The following BCL2L12 variants were observed in gnomAD, a reference collection of about 807,000 sequenced individuals.
The protein encoded by BCL2L12 is BCL2 like 12.
A neutral mutation model predicts 25.7 loss-of-function variants in BCL2L12; 27 were observed. The observed-to-expected ratio is 1.05, with a 90% CI of 0.78 to 1.45. BCL2L12 has a LOEUF of 1.45. Ranked by LOEUF, BCL2L12 falls within the 40% of genes most tolerant of loss-of-function variation. BCL2L12 has a pLI of 0.00. For synonymous variants in BCL2L12, 132 were observed against 145.6 expected, an observed-to-expected ratio of 0.91 and a Z score of 0.67; for missense variants, 302 against 329.8, an observed-to-expected ratio of 0.92 and a Z score of 0.65.
chr19:49,667,256 T>C, intron 3 of BCL2L12, 95 bp downstream of exon 3: 1 of 1,515,506 alleles, frequency 6.6e-7, no homozygotes, highest in Non-Finnish European at 9.0e-7. Context: ...GTGTGGAGTC[T>C]CTAGCACCAG....
rs1225852069 is a variant in BCL2L12, at chr19:49,670,246, C to G, written c.460C>G (p.Leu154Val). The G allele has an allele frequency of 6.2e-7, 1 of 1,609,066 alleles. No homozygotes were observed. The highest frequency in any genetic ancestry group is 2.2e-5 in the East Asian group (1 of 44,846). ...LASDPALRSK[L>V]VRLSSDSFAR... Reference sequence around the variant, plus strand: ...CTCGGACCCCGCCCTGCGCAGCAAGCTGGTCCGCCTGTCCTCCGACTCTTT... The same window carrying G: ...CTCGGACCCCGCCCTGCGCAGCAAGGTGGTCCGCCTGTCCTCCGACTCTTT... The change falls in exon 6 of 7, where the codon CTG (leucine) becomes GTG (valine). Residue 154 changes from leucine (L) to valine (V), a missense_variant. Transcript: ENST00000246784.
At chr19:49,667,273 G>A in intron 3 of BCL2L12, 112 bp downstream of exon 3, 1 of 1,448,868 alleles carries the variant, frequency 6.9e-7, no homozygotes, top group South Asian at 1.3e-5. Context: ...CCAGCCTTCA[G>A]GACAGAACCG....
At chr19:49,673,158 C>G (rs530537721) in intron 6 of BCL2L12, among the ~76,000 whole-genome samples, 1 of 152,022 alleles carries the variant, frequency 6.6e-6, no homozygotes, top group African/African-American at 2.4e-5. Context: ...AGCTACCACG[C>G]CTGGACAATT....
chr19:49,673,647 T>TG (rs1568481025), intron 6 of BCL2L12, 51 bp from the exon 7 acceptor site: 8 of 1,472,008 alleles, frequency 5.4e-6, no homozygotes, highest in Middle Eastern at 1.7e-4. Context: ...CGCTGCTGTA[T>TG]GGGGGGAACA....
rs755968437 is a variant in BCL2L12 at position 49,668,930 on chromosome 19, C to G, written c.330C>G (p.Pro110=). The part of the protein sequence containing the change: ...QLVQEQLKSP[P]SPELQGPPST... The stretch of plus-strand genomic sequence containing the variant: ...TCCAAGAGCAGCTGAAATCTCCGCC[C>G]AGCCCAGGTGAGGCACAGAGGAGCC... The change falls in exon 4 of 7, where the codon CCC becomes CCG. Residue 110 remains proline (P), a synonymous_variant. Transcript: ENST00000246784. 14 of 1,613,858 alleles carry G rather than the reference C, an allele frequency of 8.7e-6. No individual in the cohort carries two copies.
At position 49,670,464 on chromosome 19, in the gene BCL2L12, CTGGA is replaced by C; in HGVS notation, c.680_683del (p.Trp227SerfsTer18). The C allele has an allele frequency of 6.5e-7, 1 of 1,536,690 alleles. No individual in the cohort carries two copies. Among genetic ancestry groups the C allele is most frequent in the South Asian group, 1.2e-5 (1 of 82,468 alleles). On this transcript the variant is annotated frameshift_variant, in exon 6 of 7. Transcript: ENST00000246784. LOFTEE classifies it high-confidence loss of function. ...TGGAGCACGTGCACAGCTTCACGCCCTGGATCCAGGCCCACGGGGGCTGGGTGAG... is the reference window on the plus strand; with the variant it reads ...TGGAGCACGTGCACAGCTTCACGCCCTCCAGGCCCACGGGGGCTGGGTGAG...
At chr19:49,671,700 G>T (rs2081965100) in intron 6 of BCL2L12, among the ~76,000 whole-genome samples, 1 of 152,070 alleles carries the variant, frequency 6.6e-6, no homozygotes, top group Non-Finnish European at 1.5e-5. Flanking sequence ...GTTAAAATGG[G>T]GTCAATGTGG....
rs774256421 is a variant in BCL2L12, at chr19:49,666,002, T to C, written c.-74T>C. Reference sequence around the variant, plus strand: ...CGCGGGAAAGTTGAACTAATAAAGTTTGTACGAGTTCAGTGGAGGAGACCG... The same window carrying C: ...CGCGGGAAAGTTGAACTAATAAAGTCTGTACGAGTTCAGTGGAGGAGACCG... On this transcript the variant is annotated 5_prime_UTR_variant, in exon 1 of 7. Coordinates refer to ENST00000246784, the MANE Select transcript of BCL2L12 (RefSeq NM_138639.2). 4 of 1,598,356 alleles carry C rather than the reference T, an allele frequency of 2.5e-6. No individual in the cohort carries two copies. Among genetic ancestry groups the C allele is most frequent in the African/African-American group, 1.3e-5 (1 of 74,584 alleles).
Position 49,673,891 on chromosome 19 carries a change from TTTC to T in BCL2L12, c.*146_*148del, listed in dbSNP as rs1370135541. ...TGCCAAAAATAAATTGTTTAAAACTTTTCTTATTAAAAACGTTACAAAGTATTC... is the reference window on the plus strand; with the variant it reads ...TGCCAAAAATAAATTGTTTAAAACTTTTATTAAAAACGTTACAAAGTATTC... On this transcript the variant is annotated 3_prime_UTR_variant, in exon 7 of 7. Transcript: ENST00000246784. 4.5e-6 allele frequency: 4 copies of T among 886,998 alleles called. No homozygotes were observed. The highest frequency in any genetic ancestry group is 6.8e-6 in the Non-Finnish European group (4 of 589,434). 54.9% of individuals were successfully genotyped at this position (886,998 alleles called of 1,614,324 possible). A position where few individuals can be genotyped will look rare whatever the true frequency, so the allele number is the denominator to read the frequency against.
rs950250869 is a variant in BCL2L12 at position 49,672,874 on chromosome 19, A to G, written c.703-824A>G. On this transcript the variant is annotated intron_variant, in intron 6 of 6. Coordinates refer to ENST00000246784, the MANE Select transcript of BCL2L12 (RefSeq NM_138639.2). The surrounding 1 kb of genome is among the most constrained non-coding windows in gnomAD (Gnocchi z 4.1). ...CAAAGAAGCTCGTTTATTTTATTTT[A>G]TTTTAATTTTTCAGATGGAGTCTCA... Among the ~76,000 whole-genome samples, 2 of 152,072 alleles carry G rather than the reference A, an allele frequency of 1.3e-5. No homozygotes were observed. The highest frequency in any genetic ancestry group is 2.9e-5 in the Non-Finnish European group (2 of 68,012).
chr19:49,666,672 C>T lies in BCL2L12; in HGVS notation c.-8-13C>T, dbSNP rs200553874. The T allele has an allele frequency of 2.8e-4, 440 of 1,545,666 alleles. 4 individuals are homozygous for T. In the African/African-American group the frequency reaches 5.6e-3, roughly 20 times the overall value. On this transcript the variant is annotated splice_polypyrimidine_tract_variant and intron_variant, in intron 1 of 6. Transcript: ENST00000246784. ...AACCCTTGGAGTCCAGTCCCTAACC[C>T]TCTCTCTCACAGGTGCCTCCATGGC...
upstream of BCL2L12, chr19:49,665,681 G>A (rs530788304): frequency 1.8e-5 from 21 of 1,165,470 alleles, no homozygotes; most frequent in East Asian, 4.8e-5. Context: ...CCCCTGTCTT[G>A]GAGCTCCGGG....
chr19:49,667,268 CT>C (rs1393970231), intron 3 of BCL2L12, 107 bp downstream of exon 3: 1 of 1,481,778 alleles, frequency 6.7e-7, no homozygotes, highest in Non-Finnish European at 9.2e-7. Flanking sequence ...TAGCACCAGC[CT>C]TCAGGACAGA....
upstream of BCL2L12, chr19:49,665,155 C>T: frequency 3.0e-6 from 1 of 337,896 alleles, no homozygotes; most frequent in Non-Finnish European, 5.5e-6. Flanking sequence ...TAAGTATCCC[C>T]ACTTTCAGGG....
In BCL2L12 at chr19:49,666,031, G is replaced by C. The variant is rs751905160; in HGVS notation, c.-45G>C. On this transcript the variant is annotated 5_prime_UTR_variant, in exon 1 of 7. Coordinates refer to ENST00000246784, the MANE Select transcript of BCL2L12 (RefSeq NM_138639.2). ...ACGAGTTCAGTGGAGGAGACCGCAA[G>C]TTGAGTGGAGGAGGCGGCGGTGGGG... 3 of 1,570,074 alleles carry C rather than the reference G, an allele frequency of 1.9e-6. No individual in the cohort carries two copies. In the Admixed American group the frequency reaches 5.6e-5, roughly 29 times the overall value.
rs762842795 is a variant in BCL2L12 at position 49,665,950 on chromosome 19, G to C, written c.-126G>C. On this transcript the variant is annotated 5_prime_UTR_variant, in exon 1 of 7. Transcript: ENST00000246784. ...CGTTCCGCCCTTTCTACGCTGGGCCGGTTATCGACCCGGCCCAGTGCGCAG... is the reference window on the plus strand; with the variant it reads ...CGTTCCGCCCTTTCTACGCTGGGCCCGTTATCGACCCGGCCCAGTGCGCAG... 4 of 1,613,634 alleles carry C rather than the reference G, an allele frequency of 2.5e-6. No individual in the cohort carries two copies. In the East Asian group the frequency reaches 6.7e-5, roughly 27 times the overall value.
At chr19:49,667,240 G>A in intron 3 of BCL2L12, 79 bp downstream of exon 3, 1 of 1,558,896 alleles carries the variant, frequency 6.4e-7, no homozygotes, top group Admixed American at 1.8e-5. Context: ...CAGCTAGGGG[G>A]TGGCTGTGTG....
Position 49,666,732 on chromosome 19 carries a change from C to T in BCL2L12, c.40C>T (p.Leu14=), listed in dbSNP as rs1477287264. 6.4e-7 allele frequency: 1 copy of T among 1,557,812 alleles called. No homozygotes were observed. ...SEELGLREDT[L]RVLAAFLRRG... ...AGAGCTGGGGCTCCGGGAAGACACG[C>T]TGAGGGTCCTAGCTGCCTTCCTTAG... The change falls in exon 2 of 7, where the codon CTG becomes TTG. Residue 14 remains leucine (L), a synonymous_variant. Transcript: ENST00000246784.
intron 5 of BCL2L12, 167 bp downstream of exon 5, chr19:49,669,282 T>G: frequency 7.3e-7 from 1 of 1,361,814 alleles, no homozygotes; most frequent in East Asian, 2.6e-5. Flanking sequence ...ACGCCTGTAA[T>G]CCCAGCACTT....
Sources: allele counts gnomAD v4.1 joint callset (sites outside exome capture counted in the v4.1 genomes callset), GRCh38; gene constraint gnomAD v4.1.1; non-coding constraint Gnocchi (gnomAD v3.1); transcripts MANE v1.5; gene names NCBI Gene and HGNC (gene_info 2026-07-23, HGNC 2026-07-21).